Variants in GLYATL1 observed in about 807,000 individuals in gnomAD.
GLYATL1 encodes the protein glycine-N-acyltransferase like 1.
GLYATL1 carries 15 observed loss-of-function variants against 20.0 expected under a neutral mutation model. The ratio of observed to expected loss-of-function variants is 0.75; its 90% CI spans 0.50 to 1.15. The LOEUF (loss-of-function observed/expected upper bound fraction) is 1.15, where lower values mean the gene tolerates loss of function less well. GLYATL1 is among the 50% of genes most tolerant of loss of function. The probability of loss-of-function intolerance (pLI) is 0.00; values close to 1 mark genes in which losing one functional copy is unlikely to be tolerated. For synonymous variants in GLYATL1, 151 were observed against 131.5 expected (o/e 1.15, Z -1.01); for missense variants, 380 against 368.5 (o/e 1.03, Z -0.26).
At position 58,956,033 on chromosome 11, in the gene GLYATL1, G is replaced by A. The variant is rs760509813; in HGVS notation, c.*6G>A. On this transcript the variant is annotated 3_prime_UTR_variant, in exon 7 of 7. Coordinates refer to ENST00000532726, the MANE Select transcript of GLYATL1 (RefSeq NM_001389712.2). ...AGAATCTAGTTCCATTTTAGACAATGAAGCTGCTTAGTAATCTCTGCCAAG... is the reference window on the plus strand; with the variant it reads ...AGAATCTAGTTCCATTTTAGACAATAAAGCTGCTTAGTAATCTCTGCCAAG... 5.6e-6 allele frequency: 9 copies of A among 1,605,878 alleles called. No homozygotes were observed. In the South Asian group the frequency reaches 9.9e-5, roughly 18 times the overall value.
At chr11:58,920,304 A>G (rs1451044695) in intron 1 of GLYATL1, among the ~76,000 whole-genome samples, 2 of 152,176 alleles carry the variant, frequency 1.3e-5, no homozygotes, top group East Asian at 3.9e-4. Flanking sequence ...CTTTGTAAAT[A>G]GTCCCATGAA....
At chr11:58,930,825 G>C (rs1214500030) in intron 1 of GLYATL1, among the ~76,000 whole-genome samples, 1 of 152,154 alleles carries the variant, frequency 6.6e-6, no homozygotes, top group African/African-American at 2.4e-5. Flanking sequence ...ACAGAACAGA[G>C]AGAGTAGAGA....
In GLYATL1 at chr11:58,955,775, A is replaced by T; in HGVS notation, c.657A>T (p.Ser219=). The T allele has an allele frequency of 6.2e-7, 1 of 1,614,184 alleles. No individual in the cohort carries two copies. Among genetic ancestry groups the T allele is most frequent in the Admixed American group, 1.7e-5 (1 of 60,016 alleles). The part of the protein sequence containing the change: ...CMLGPEGVPV[S]WVTMDPSCEV... ...TCGGCCCAGAGGGAGTCCCGGTCTC[A>T]TGGGTAACCATGGACCCTTCTTGTG... is the stretch of plus-strand genomic sequence containing the variant. Residue 219 remains serine, a synonymous_variant, in exon 7 of 7, where the codon TCA becomes TCT. Coordinates refer to ENST00000532726, the MANE Select transcript of GLYATL1 (RefSeq NM_001389712.2).
At chr11:58,930,851 T>G (rs999240894) in intron 1 of GLYATL1, among the ~76,000 whole-genome samples, 62 of 152,332 alleles carry the variant, frequency 4.1e-4, no homozygotes, top group African/African-American at 1.5e-3. Flanking sequence ...TCACGAATTA[T>G]AAGAAAATAT....
At chr11:58,925,018 C>A (rs1855395201), upstream of GLYATL1, among the ~76,000 whole-genome samples, 2 of 152,168 alleles carry the variant, frequency 1.3e-5, no homozygotes, top group South Asian at 4.1e-4. Context: ...GAGGCCTGTG[C>A]TGTTCCTGGA....
At chr11:58,936,272 T>C (rs1019101851), upstream of GLYATL1, among the ~76,000 whole-genome samples, 11 of 152,222 alleles carry the variant, frequency 7.2e-5, no homozygotes, top group African/African-American at 2.4e-4. Context: ...TGATGAGATA[T>C]CTGGAGTCAC....
chr11:58,925,952 T>C (rs1855417257), upstream of GLYATL1, among the ~76,000 whole-genome samples: 1 of 152,232 alleles, frequency 6.6e-6, no homozygotes, highest in African/African-American at 2.4e-5. Context: ...TCAGCTTTAA[T>C]CTTTGTGGGC....
upstream of GLYATL1, among the ~76,000 whole-genome samples, chr11:58,936,269 A>C (rs1286315614): frequency 6.6e-6 from 1 of 152,228 alleles, no homozygotes; most frequent in Non-Finnish European, 1.5e-5. Flanking sequence ...TCATGATGAG[A>C]TATCTGGAGT....
At chr11:58,931,315 G>C (rs1447308383) in intron 1 of GLYATL1, among the ~76,000 whole-genome samples, 1 of 152,132 alleles carries the variant, frequency 6.6e-6, no homozygotes, top group Non-Finnish European at 1.5e-5. Flanking sequence ...TCCTACTGCA[G>C]TGTGATCACA....
intron 1 of GLYATL1, among the ~76,000 whole-genome samples, chr11:58,920,050 C>A (rs1430621121): frequency 6.6e-6 from 1 of 152,096 alleles, no homozygotes; most frequent in African/African-American, 2.4e-5. Flanking sequence ...GAGGATCTCC[C>A]AGAGGGGAGG....
chr11:58,943,419 C>A, intron 1 of GLYATL1, 124 bp from the exon 2 acceptor site: 5 of 1,526,394 alleles, frequency 3.3e-6, no homozygotes, highest in Non-Finnish European at 4.4e-6. Context: ...TCATTTTGAC[C>A]ACGAGGCACC....
chr11:58,929,727 C>CG (rs1451044094), intron 1 of GLYATL1, among the ~76,000 whole-genome samples: 1 of 152,186 alleles, frequency 6.6e-6, no homozygotes, highest in Non-Finnish European at 1.5e-5. Flanking sequence ...CATGCATGTG[C>CG]AGATCACTAC....
At chr11:58,912,845 A>G (rs1346750132), downstream of GLYATL1, among the ~76,000 whole-genome samples, 3 of 152,212 alleles carry the variant, frequency 2.0e-5, no homozygotes, top group African/African-American at 7.2e-5. Flanking sequence ...TTACGTTTTA[A>G]ACAGGGAAAT....
At chr11:58,935,785 G>C (rs1364374159), upstream of GLYATL1, 2 of 151,990 alleles carry the variant, frequency 1.3e-5, no homozygotes, top group Non-Finnish European at 2.9e-5. Flanking sequence ...ATAATAAATA[G>C]AGCTGTCAAA....
chr11:58,909,750 AG>A (rs922157229), downstream of GLYATL1, among the ~76,000 whole-genome samples: 4 of 152,174 alleles, frequency 2.6e-5, no homozygotes, highest in African/African-American at 9.7e-5. Context: ...AGATCTCAGA[AG>A]GCTTTCTATC....
intron 1 of GLYATL1, among the ~76,000 whole-genome samples, chr11:58,941,372 G>A (rs962328120): frequency 3.9e-5 from 6 of 151,964 alleles, no homozygotes; most frequent in South Asian, 2.1e-4. Context: ...ACATGAACTC[G>A]TCATTTTTTA....
intron 4 of GLYATL1, 152 bp from the exon 5 acceptor site, chr11:58,954,618 G>A (rs953680703): frequency 4.7e-5 from 29 of 621,454 alleles, no homozygotes; most frequent in Non-Finnish European, 7.6e-5. Flanking sequence ...TAGCTTATAG[G>A]CCTAGGTTTT....
rs186820688 is a variant in GLYATL1 at position 58,907,788 on chromosome 11, A to G, written n.786A>G. On this transcript the variant is annotated non_coding_transcript_exon_variant, in exon 2 of 2. Coordinates refer to the GLYATL1 transcript ENST00000524629. ...TTGTTCCAGTACGTTGTTATTTTACATGGAAACCATTTCATACTTTCAAAG... is the reference window on the plus strand; with the variant it reads ...TTGTTCCAGTACGTTGTTATTTTACGTGGAAACCATTTCATACTTTCAAAG... 4.2e-3 allele frequency: 780 copies of G among 185,536 alleles called. 8 individuals carry two copies. Among genetic ancestry groups the G allele is most frequent in the African/African-American group, 0.018 (742 of 42,270 alleles). 11.5% of individuals were successfully genotyped at this position (185,536 alleles called of 1,614,324 possible).
chr11:58,922,562 G>A (rs550003659), intron 1 of GLYATL1, among the ~76,000 whole-genome samples: 77 of 152,260 alleles, frequency 5.1e-4, no homozygotes, highest in South Asian at 1.7e-3. Context: ...CCTCTCCGGT[G>A]AGACTGGGGA....
Sources: allele counts gnomAD v4.1 joint callset (sites outside exome capture counted in the v4.1 genomes callset), GRCh38; gene constraint gnomAD v4.1.1; transcripts MANE v1.5; gene names NCBI Gene and HGNC (gene_info 2026-07-23, HGNC 2026-07-21).